NMI: variants seen among roughly 807,000 people sequenced by gnomAD.
The protein encoded by NMI is N-myc-interactor.
In NMI, 39 loss-of-function variants were observed where a neutral mutation model predicts 34.3. The observed-to-expected ratio is 1.14, with a 90% CI of 0.88 to 1.49. The LOEUF (loss-of-function observed/expected upper bound fraction) is 1.49. NMI is among the 40% of genes most tolerant of loss of function. NMI has a pLI of 0.00. For synonymous variants in NMI, 113 were observed against 120.3 expected, an observed-to-expected ratio of 0.94 and a Z score of 0.40; for missense variants, 339 against 358.1, an observed-to-expected ratio of 0.95 and a Z score of 0.43.
At position 151,282,015 on chromosome 2, in the gene NMI, T is replaced by C. The variant is rs1410277366; in HGVS notation, c.110A>G (p.Asn37Ser). 1 of 1,526,066 alleles carries C rather than the reference T, an allele frequency of 6.6e-7. No individual in the cohort carries two copies. The highest frequency in any genetic ancestry group is 1.1e-5 in the South Asian group (1 of 87,328). 94.5% of individuals were successfully genotyped at this position (1,526,066 alleles called of 1,614,324 possible). A position where few individuals can be genotyped will look rare whatever the true frequency, so the allele number is the denominator to read the frequency against. The change falls in exon 3 of 8, where the codon AAT becomes AGT. Residue 37 changes from asparagine to serine, a missense_variant. By Grantham distance (46) the Asn-to-Ser change is conservative. Transcript: ENST00000243346. ...KGLIDEITKK[N>S]IQLKKEIQKL... ...TTGGATCTCCTTCTTTAGTTGAATA[T>C]TTTTCTTTGTAATTTCATCAATTAG...
chr2:151,271,765 T>C (rs779719409), intron 6 of NMI, 33 bp from the exon 7 acceptor site: 1 of 1,038,352 alleles, frequency 9.6e-7, no homozygotes, highest in Non-Finnish European at 1.5e-6. Flanking sequence ...ACTTGTCTTT[T>C]TTATATCATA....
rs41268705 is a variant in NMI, at chr2:151,282,993, T to C, written c.-6-39A>G. ...AAATAAATATTATAAGCATAGCATA[T>C]ATACACAAATTTAAGAACAAAGAAA... On this transcript the variant is annotated intron_variant, in intron 1 of 7. Coordinates refer to ENST00000243346, the MANE Select transcript of NMI (RefSeq NM_004688.3). 3,332 of 972,166 alleles carry C rather than the reference T, an allele frequency of 3.4e-3. 13 individuals carry two copies. Among genetic ancestry groups the C allele is most frequent in the Middle Eastern group, 6.3e-3 (19 of 3,016 alleles). 60.2% of individuals were successfully genotyped at this position (972,166 alleles called of 1,614,324 possible).
chr2:151,275,350 T>C, intron 6 of NMI, 134 bp downstream of exon 6: 1 of 770,936 alleles, frequency 1.3e-6, no homozygotes, highest in Non-Finnish European at 2.1e-6. Flanking sequence ...TACTATTTTA[T>C]AAGGTTTTTT....
At position 151,278,824 on chromosome 2, in the gene NMI, A is replaced by G. The variant is rs1173050467; in HGVS notation, c.340+4T>C. On this transcript the variant is annotated splice_donor_region_variant and intron_variant, in intron 4 of 7. Transcript: ENST00000243346. ...ATGGTCATATTTTTTAACATTAGTCATACCTTCTTCTTTTTCAAAGGTGAT... is the reference window on the plus strand; with the variant it reads ...ATGGTCATATTTTTTAACATTAGTCGTACCTTCTTCTTTTTCAAAGGTGAT... 1 of 1,610,630 alleles carries G rather than the reference A, an allele frequency of 6.2e-7. No individual in the cohort carries two copies. The highest frequency in any genetic ancestry group is 1.7e-5 in the Admixed American group (1 of 59,964).
chr2:151,282,286 C>G (rs182923275), intron 2 of NMI, among the ~76,000 whole-genome samples: 102 of 152,284 alleles, frequency 6.7e-4, no homozygotes, highest in African/African-American at 2.3e-3. Flanking sequence ...TTACACTAGA[C>G]CGAAGTCACA....
At chr2:151,283,271 A>C (rs938477895) in intron 1 of NMI, among the ~76,000 whole-genome samples, 3 of 151,838 alleles carry the variant, frequency 2.0e-5, no homozygotes, top group African/African-American at 7.3e-5. Context: ...CCTCCCAAGT[A>C]GTTGGGATTA....
intron 2 of NMI, chr2:151,282,635 A>T: frequency 3.4e-6 from 1 of 298,318 alleles, no homozygotes; most frequent in Admixed American, 5.1e-5. Context: ...AATCCAAGAA[A>T]TGAGGGTGTG....
At chr2:151,282,682 G>A in intron 2 of NMI, 186 bp downstream of exon 2, 2 of 385,266 alleles carry the variant, frequency 5.2e-6, no homozygotes, top group Non-Finnish European at 9.3e-6. Flanking sequence ...CCTTATAAGA[G>A]AAAGAATAAA....
intron 1 of NMI, among the ~76,000 whole-genome samples, chr2:151,287,302 A>ATCTC (rs4038670): frequency 1.4e-5 from 2 of 143,750 alleles, no homozygotes; most frequent in Non-Finnish European, 3.0e-5. Flanking sequence ...TTTAAACCAC[A>ATCTC]TCTCTCTCTC....
chr2:151,278,586 A>T (rs1683329908), intron 4 of NMI: 1 of 442,786 alleles, frequency 2.3e-6, no homozygotes, highest in South Asian at 2.3e-5. Flanking sequence ...GGTATTGGAC[A>T]TCATCATAGC....
Position 151,282,950 on chromosome 2 carries a change from A to T in NMI, c.-2T>A, listed in dbSNP as rs980199561. On this transcript the variant is annotated 5_prime_UTR_variant, in exon 2 of 8. Transcript: ENST00000243346. ...TGTGTCATCTTTATCAGCTTCCATG[A>T]TCCCCTAATATTATAAAAAATAAAT... The T allele has an allele frequency of 9.8e-6, 14 of 1,433,682 alleles. No individual in the cohort carries two copies. The highest frequency in any genetic ancestry group is 1.3e-5 in the Non-Finnish European group (14 of 1,062,922). 88.8% of individuals were successfully genotyped at this position (1,433,682 alleles called of 1,614,324 possible).
At chr2:151,286,232 T>C (rs1683493732) in intron 1 of NMI, among the ~76,000 whole-genome samples, 1 of 152,212 alleles carries the variant, frequency 6.6e-6, no homozygotes, top group Non-Finnish European at 1.5e-5. Flanking sequence ...ACGACAGTCC[T>C]GCCAAAGATG....
intron 1 of NMI, among the ~76,000 whole-genome samples, chr2:151,283,222 C>A (rs111349037): frequency 3.3e-5 from 5 of 152,098 alleles, no homozygotes; most frequent in African/African-American, 1.2e-4. Flanking sequence ...CTCACTGCAA[C>A]CTCTGCCTCC....
In NMI at chr2:151,275,562, T is replaced by G; in HGVS notation, c.556A>C (p.Asn186His). The G allele has an allele frequency of 6.2e-7, 1 of 1,614,164 alleles. No individual in the cohort carries two copies. Among genetic ancestry groups the G allele is most frequent in the Non-Finnish European group, 8.5e-7 (1 of 1,180,026 alleles). ...KLELSFSKSR[N>H]GGGEVDRVDY... ...ACGCGGTCCACCTCTCCGCCTCCATTTCGGGACTTTGAAAAGCTCAGCTCT... is the reference window on the plus strand; with the variant it reads ...ACGCGGTCCACCTCTCCGCCTCCATGTCGGGACTTTGAAAAGCTCAGCTCT... Residue 186 changes from asparagine to histidine, a missense_variant, in exon 6 of 8, where the codon AAT (asparagine) becomes CAT (histidine). Coordinates refer to ENST00000243346, the MANE Select transcript of NMI (RefSeq NM_004688.3).
At chr2:151,286,893 AT>A (rs1228575253) in intron 1 of NMI, among the ~76,000 whole-genome samples, 2 of 152,008 alleles carry the variant, frequency 1.3e-5, no homozygotes, top group African/African-American at 4.8e-5. Flanking sequence ...TCACTATGTG[AT>A]TTTTTTCCCC....
intron 1 of NMI, among the ~76,000 whole-genome samples, chr2:151,288,318 A>G (rs1683545161): frequency 6.6e-6 from 1 of 152,252 alleles, no homozygotes; most frequent in Non-Finnish European, 1.5e-5. Flanking sequence ...TGAAAGCGGA[A>G]GACAGAAGAA....
At chr2:151,274,776 G>A (rs549853554) in intron 6 of NMI, among the ~76,000 whole-genome samples, 9 of 151,008 alleles carry the variant, frequency 6.0e-5, no homozygotes, top group African/African-American at 1.9e-4. Flanking sequence ...GGGCCCGGCC[G>A]AAATGTCTCA....
intron 4 of NMI, 91 bp downstream of exon 4, chr2:151,278,737 A>G (rs1335686348): frequency 5.2e-6 from 5 of 966,776 alleles, no homozygotes; most frequent in African/African-American, 3.2e-5. Flanking sequence ...AAGAAATAAT[A>G]TAAGTGAAGT....
intron 1 of NMI, among the ~76,000 whole-genome samples, chr2:151,283,567 T>C (rs1365603230): frequency 6.6e-6 from 1 of 152,240 alleles, no homozygotes; most frequent in Non-Finnish European, 1.5e-5. Context: ...CCAACCATAA[T>C]ATCATGCTCC....
Sources: gnomAD v4.1 joint callset for allele counts (sites outside exome capture counted in the v4.1 genomes callset) on GRCh38, gnomAD v4.1.1 for gene constraint, MANE v1.5 for transcripts, NCBI Gene and HGNC (gene_info 2026-07-23, HGNC 2026-07-21) for gene names.